The following DGKI variants were observed in gnomAD, a reference collection of about 807,000 sequenced individuals.
DGKI encodes the protein DAG kinase iota.
In DGKI, 55 loss-of-function variants were observed where a neutral mutation model predicts 147.5. The observed-to-expected ratio is 0.37, with a 90% CI of 0.30 to 0.47. The LOEUF (loss-of-function observed/expected upper bound fraction) is 0.47, where lower values mean the gene tolerates loss of function less well. Among genes scored for constraint, DGKI ranks in the 20% least tolerant of loss-of-function variants. The pLI is 1.00. For missense variants in DGKI, 1,007 were observed against 1,323.8 expected, an observed-to-expected ratio of 0.76 and a Z score of 3.71; for synonymous variants, 469 against 477.1, an observed-to-expected ratio of 0.98 and a Z score of 0.22.
At chr7:137,622,646 C>T (rs561073290) in intron 7 of DGKI, among the ~76,000 whole-genome samples, 1 of 152,148 alleles carries the variant, frequency 6.6e-6, no homozygotes, top group East Asian at 1.9e-4. Context: ...CTGGGCATGG[C>T]TGCATTCCAG....
chr7:137,600,948 T>A (rs1819967474), intron 10 of DGKI, among the ~76,000 whole-genome samples: 1 of 152,122 alleles, frequency 6.6e-6, no homozygotes, highest in African/African-American at 2.4e-5. Flanking sequence ...ACTTTAGAGA[T>A]CATTTTTAAA....
intron 1 of DGKI, among the ~76,000 whole-genome samples, chr7:137,728,082 A>C (rs1794762965): frequency 6.6e-6 from 1 of 152,218 alleles, no homozygotes; most frequent in Non-Finnish European, 1.5e-5. Flanking sequence ...GAAAAATGGC[A>C]AAAGTTATTC....
rs537004568 is a variant in DGKI, at chr7:137,655,258, G to C, written c.682-470C>G. Among the ~76,000 whole-genome samples the C allele has an allele frequency of 1.2e-4, 18 of 151,398 alleles. No individual in the cohort carries two copies. The South Asian group carries it at 1.5e-3, about 12-fold the overall frequency. On this transcript the variant is annotated intron_variant, in intron 4 of 32. Coordinates refer to ENST00000614521, the MANE Select transcript of DGKI (RefSeq NM_001321708.2). The stretch of plus-strand genomic sequence containing the variant: ...CTGTCACCCAGTCTGGAGTGCAGTG[G>C]TGTGATCTCAGCTCACTGCAACCTC...
chr7:137,486,468 G>C (rs1041869824), intron 22 of DGKI, among the ~76,000 whole-genome samples: 5 of 152,002 alleles, frequency 3.3e-5, no homozygotes, highest in African/African-American at 7.2e-5. Flanking sequence ...TGAGATACTA[G>C]AAGTTTGGGA....
At chr7:137,612,223 T>C (rs928459510) in intron 8 of DGKI, among the ~76,000 whole-genome samples, 1 of 143,030 alleles carries the variant, frequency 7.0e-6, no homozygotes, top group Admixed American at 6.9e-5. Flanking sequence ...AAAACGGGCT[T>C]TTTTTTTTTT....
intron 2 of DGKI, 63 bp downstream of exon 2, chr7:137,689,831 C>A: frequency 1.7e-6 from 2 of 1,174,408 alleles, no homozygotes; most frequent in Non-Finnish European, 2.4e-6. Flanking sequence ...TAGAGGAATC[C>A]TGAGAATGAG....
At chr7:137,797,022 C>A (rs1341215863) in intron 1 of DGKI, among the ~76,000 whole-genome samples, 1 of 152,116 alleles carries the variant, frequency 6.6e-6, no homozygotes, top group African/African-American at 2.4e-5. Context: ...TATAGTTAAA[C>A]TGTCAAAAAC....
chr7:137,803,967 C>A (rs1422023250), intron 1 of DGKI, among the ~76,000 whole-genome samples: 3 of 152,188 alleles, frequency 2.0e-5, no homozygotes, highest in Non-Finnish European at 4.4e-5. Flanking sequence ...AACAAGCATG[C>A]CCACTTTGCA....
At chr7:137,500,992 C>T (rs1563055871) in intron 21 of DGKI, among the ~76,000 whole-genome samples, 1 of 151,990 alleles carries the variant, frequency 6.6e-6, no homozygotes, top group Non-Finnish European at 1.5e-5. Context: ...ATTTGCACAC[C>T]CATTGACCAA....
In DGKI at chr7:137,385,019, A is replaced by G. The variant is rs1224505322; in HGVS notation, c.*6201T>C. The stretch of plus-strand genomic sequence containing the variant: ...CATTTACTTGGCTCCCAAATACCTT[A>G]CAGGCAGAATTTTCTTCTGTGGTTA... On this transcript the variant is annotated 3_prime_UTR_variant, in exon 33 of 33. Coordinates refer to ENST00000614521, the MANE Select transcript of DGKI (RefSeq NM_001321708.2). 6.6e-6 allele frequency: 1 copy of G among 152,080 alleles called. No individual in the cohort carries two copies. Among genetic ancestry groups the G allele is most frequent in the South Asian group, 2.1e-4 (1 of 4,830 alleles). The allele number at this position is 152,080 out of a possible 1,614,324, so 9.4% of individuals were successfully genotyped here. A position where few individuals can be genotyped will look rare whatever the true frequency, so the allele number is the denominator to read the frequency against.
intron 19 of DGKI, among the ~76,000 whole-genome samples, chr7:137,568,890 A>C (rs1229497868): frequency 6.6e-6 from 1 of 151,624 alleles, no homozygotes; most frequent in East Asian, 1.9e-4. Context: ...AATTAGTATA[A>C]TAAAAATTAT....
chr7:137,670,633 T>C (rs1822810758), intron 3 of DGKI, among the ~76,000 whole-genome samples: 1 of 152,208 alleles, frequency 6.6e-6, no homozygotes, highest in South Asian at 2.1e-4. Flanking sequence ...GGCCACACTT[T>C]CCATGAGTCA....
At chr7:137,717,612 A>G (rs1794419328) in intron 1 of DGKI, among the ~76,000 whole-genome samples, 1 of 152,208 alleles carries the variant, frequency 6.6e-6, no homozygotes, top group Non-Finnish European at 1.5e-5. Flanking sequence ...ACTCATATAG[A>G]AATATTTTTA....
At chr7:137,533,455 G>A (rs1209073649) in intron 20 of DGKI, among the ~76,000 whole-genome samples, 1 of 152,004 alleles carries the variant, frequency 6.6e-6, no homozygotes, top group Non-Finnish European at 1.5e-5. Flanking sequence ...AAATAATTTG[G>A]AGTGCCTTTG....
intron 28 of DGKI, among the ~76,000 whole-genome samples, chr7:137,437,173 T>C (rs1813318289): frequency 1.3e-5 from 2 of 152,136 alleles, no homozygotes; most frequent in African/African-American, 4.8e-5. Context: ...GCACCAGAAA[T>C]ATGTATACAA....
chr7:137,593,104 AT>A (rs1264321098), intron 12 of DGKI, among the ~76,000 whole-genome samples: 1 of 152,226 alleles, frequency 6.6e-6, no homozygotes, highest in East Asian at 1.9e-4. Context: ...AGAAAAGCCA[AT>A]AGAACAAGAA....
At chr7:137,665,461 C>A (rs1309128150) in intron 3 of DGKI, among the ~76,000 whole-genome samples, 1 of 152,208 alleles carries the variant, frequency 6.6e-6, no homozygotes, top group Non-Finnish European at 1.5e-5. Flanking sequence ...GCATACCTGA[C>A]AGTCTCATGC....
chr7:137,807,430 C>G (rs776442973), intron 1 of DGKI, among the ~76,000 whole-genome samples: 10 of 152,234 alleles, frequency 6.6e-5, no homozygotes, highest in Middle Eastern at 3.2e-3. Context: ...TACCTCGTTT[C>G]TGCAGTTTTA....
At chr7:137,583,254 G>A (rs1484645582) in intron 14 of DGKI, among the ~76,000 whole-genome samples, 2 of 152,136 alleles carry the variant, frequency 1.3e-5, no homozygotes, top group East Asian at 1.9e-4. Flanking sequence ...ATGAAGGACC[G>A]AGAGAGAAAC....
Sources: gnomAD v4.1 joint callset for allele counts (sites outside exome capture counted in the v4.1 genomes callset) on GRCh38, gnomAD v4.1.1 for gene constraint, MANE v1.5 for transcripts, NCBI Gene and HGNC (gene_info 2026-07-23, HGNC 2026-07-21) for gene names.